Variants in PYGB observed in about 807,000 individuals in gnomAD.
The protein encoded by PYGB is glycogen phosphorylase B.
Under a neutral mutation model 94.3 loss-of-function variants are expected in PYGB, and 82 were observed. That is an observed-to-expected ratio of 0.87 (90% CI 0.73 to 1.04). The LOEUF (loss-of-function observed/expected upper bound fraction) is 1.04, where lower values mean the gene tolerates loss of function less well. Ranked by LOEUF, PYGB falls within the 50% of genes least tolerant of loss-of-function variation. PYGB has a pLI of 0.00. For synonymous variants in PYGB, 488 were observed against 479.1 expected (o/e 1.02, Z -0.24); for missense variants, 1,132 against 1,158.2 (o/e 0.98, Z 0.33).
intron 2 of PYGB, among the ~76,000 whole-genome samples, chr20:25,261,261 G>A (rs201371441): frequency 1.6e-4 from 24 of 152,190 alleles, no homozygotes; most frequent in Non-Finnish European, 3.1e-4. Context: ...TCACACAGCC[G>A]GGTGCCCCTC....
Position 25,296,386 on chromosome 20 carries a change from C to T in PYGB, c.2396C>T (p.Thr799Ile). 1 of 1,614,032 alleles carries T rather than the reference C, an allele frequency of 6.2e-7. No individual in the cohort carries two copies. Among genetic ancestry groups the T allele is most frequent in the Non-Finnish European group, 8.5e-7 (1 of 1,180,032 alleles). The part of the protein sequence containing the change: ...DQLYRNPKEW[T>I]KKVIRNIACS... Reference sequence around the variant, plus strand: ...TCCCTGCAGAACCCCAAGGAGTGGACCAAGAAGGTCATCAGGAACATCGCC... The same window carrying T: ...TCCCTGCAGAACCCCAAGGAGTGGATCAAGAAGGTCATCAGGAACATCGCC... Residue 799 changes from threonine (T) to isoleucine (I), a missense_variant, in exon 20 of 20, where the codon ACC (threonine) becomes ATC (isoleucine). By Grantham distance (89) the Thr-to-Ile change is moderately conservative (BLOSUM62 -1). Coordinates refer to ENST00000216962, the MANE Select transcript of PYGB (RefSeq NM_002862.4).
intron 4 of PYGB, among the ~76,000 whole-genome samples, chr20:25,272,390 C>T (rs940121141): frequency 1.3e-5 from 2 of 152,186 alleles, no homozygotes; most frequent in African/African-American, 4.8e-5. Context: ...CTGTAAGACT[C>T]ATGTATCTCA....
chr20:25,277,311 G>A lies in PYGB; in HGVS notation c.840G>A (p.Leu280=), dbSNP rs749516060. ...RNLAENISRV[L]YPNDNFFEGK... ...TGGCTGAGAACATCTCCAGGGTCCT[G>A]TATCCAAATGATAACGTGAGTAGCT... is the stretch of plus-strand genomic sequence containing the variant. The change falls in exon 7 of 20, where the codon CTG becomes CTA. Residue 280 remains leucine, a synonymous_variant. Transcript: ENST00000216962. The A allele has an allele frequency of 6.4e-7, 1 of 1,568,086 alleles. No individual in the cohort carries two copies. The highest frequency in any genetic ancestry group is 8.8e-7 in the Non-Finnish European group (1 of 1,138,154).
intron 18 of PYGB, 74 bp downstream of exon 18, chr20:25,294,366 T>C: frequency 1.3e-6 from 2 of 1,486,954 alleles, no homozygotes; most frequent in Non-Finnish European, 1.8e-6. Context: ...GGGTTGGATA[T>C]TCCACCTTGT....
intron 16 of PYGB, 27 bp from the exon 17 acceptor site, chr20:25,292,379 A>ATCCCCTCCACGGGC (rs375536857): frequency 1.9e-6 from 3 of 1,609,920 alleles, no homozygotes; most frequent in Non-Finnish European, 2.5e-6. Context: ...CCTCACAGTG[A>ATCCCCTCCACGGGC]TCCCCTCCAC....
intron 14 of PYGB, 47 bp downstream of exon 14, chr20:25,284,298 T>C: frequency 1.9e-6 from 3 of 1,586,992 alleles, no homozygotes; most frequent in Non-Finnish European, 2.6e-6. Flanking sequence ...GGCCCAAGGC[T>C]TGCCCTTGCC....
At chr20:25,264,196 T>C (rs2092919506) in intron 2 of PYGB, among the ~76,000 whole-genome samples, 1 of 152,202 alleles carries the variant, frequency 6.6e-6, no homozygotes, top group African/African-American at 2.4e-5. Flanking sequence ...TCTCAATTGA[T>C]GCAGAAAAGG....
intron 17 of PYGB, chr20:25,293,892 C>T: frequency 2.0e-6 from 1 of 505,838 alleles, no homozygotes. Flanking sequence ...TATGTCCTAG[C>T]AGATCTGCTA....
chr20:25,280,547 G>C lies in PYGB; in HGVS notation c.1239+135G>C, dbSNP rs983435892. The C allele has an allele frequency of 3.2e-6, 4 of 1,262,114 alleles. No homozygotes were observed. The African/African-American group carries it at 4.5e-5, about 14-fold the overall frequency. The allele number at this position is 1,262,114 out of a possible 1,614,324, so 78.2% of individuals were successfully genotyped here. ...GTTCAGCAGAGGATGCTTGGGGCTG[G>C]GGGCTGTCCCTTGGCAGAGCTATTG... is the stretch of plus-strand genomic sequence containing the variant. On this transcript the variant is annotated intron_variant, in intron 10 of 19. Coordinates refer to ENST00000216962, the MANE Select transcript of PYGB (RefSeq NM_002862.4).
intron 1 of PYGB, among the ~76,000 whole-genome samples, chr20:25,250,731 A>C (rs1302053465): frequency 6.6e-6 from 1 of 152,186 alleles, no homozygotes; most frequent in Non-Finnish European, 1.5e-5. Context: ...TCACCGGCAC[A>C]CTGCAGACTG....
intron 15 of PYGB, among the ~76,000 whole-genome samples, chr20:25,290,117 C>G (rs555907880): frequency 1.3e-5 from 2 of 152,356 alleles, no homozygotes. Context: ...CTGGCTCTTT[C>G]CGAATGTGTC....
chr20:25,297,484 C>G lies in PYGB; in HGVS notation c.*962C>G, dbSNP rs769121385. 2 of 152,480 alleles carry G rather than the reference C, an allele frequency of 1.3e-5. No individual in the cohort carries two copies. Among genetic ancestry groups the G allele is most frequent in the Non-Finnish European group, 2.9e-5 (2 of 68,150 alleles). The allele number at this position is 152,480 out of a possible 1,614,324, so 9.4% of individuals were successfully genotyped here. On this transcript the variant is annotated 3_prime_UTR_variant, in exon 20 of 20. Transcript: ENST00000216962. ...GTACACACAAGGGCCAGGCTCCATT[C>G]TCCCTCCCTTTCCACCAGTGCCACA...
chr20:25,253,073 T>C (rs2092892770), intron 1 of PYGB, among the ~76,000 whole-genome samples: 1 of 152,228 alleles, frequency 6.6e-6, no homozygotes, highest in African/African-American at 2.4e-5. Flanking sequence ...ACAAGGGTGT[T>C]AGGAGCACAG....
chr20:25,263,916 C>T (rs894603625), intron 2 of PYGB, among the ~76,000 whole-genome samples: 3 of 152,210 alleles, frequency 2.0e-5, no homozygotes, highest in East Asian at 1.9e-4. Context: ...AGAGAATCCT[C>T]CCTAACTCAT....
At chr20:25,265,346 C>G (rs2088207165) in intron 2 of PYGB, among the ~76,000 whole-genome samples, 1 of 152,134 alleles carries the variant, frequency 6.6e-6, no homozygotes, top group East Asian at 1.9e-4. Context: ...ACATTCCTAC[C>G]AAAAGGACAC....
rs751381484 is a variant in PYGB, at chr20:25,288,370, A to AG, written c.1769-51dup. 3.1e-6 allele frequency: 5 copies of AG among 1,600,016 alleles called. No individual in the cohort carries two copies. In the Admixed American group the frequency reaches 8.3e-5, roughly 27 times the overall value. ...GCCTCTGATGCTGCTGGGCCCCAGCAGGGGCTCGTCCGGCTCGCGGTGCCT... is the reference window on the plus strand; with the variant it reads ...GCCTCTGATGCTGCTGGGCCCCAGCAGGGGGCTCGTCCGGCTCGCGGTGCCT... On this transcript the variant is annotated intron_variant, in intron 14 of 19. Transcript: ENST00000216962.
chr20:25,265,958 T>C (rs114000046), intron 2 of PYGB, among the ~76,000 whole-genome samples: 3,162 of 152,256 alleles, frequency 0.021, 102 homozygotes, highest in African/African-American at 0.071. Context: ...GTATCAGATA[T>C]GTGATTTGTG....
rs74852020 is a variant in PYGB at position 25,279,064 on chromosome 20, T to C, written c.1007T>C (p.Ile336Thr). ...CCCTTGTGCGACCTTCAGGTGGCCA[T>C]CCAGCTGAACGACACCCACCCCGCC... ...CFETFPDKVA[I>T]QLNDTHPALS... The change falls in exon 9 of 20, where the codon ATC becomes ACC. Residue 336 changes from isoleucine to threonine, a missense_variant. Physicochemically the swap from Ile to Thr is moderately conservative, Grantham distance 89. Coordinates refer to ENST00000216962, the MANE Select transcript of PYGB (RefSeq NM_002862.4). 1 of 1,612,182 alleles carries C rather than the reference T, an allele frequency of 6.2e-7. No homozygotes were observed. The highest frequency in any genetic ancestry group is 8.5e-7 in the Non-Finnish European group (1 of 1,178,630).
At chr20:25,290,352 A>C in intron 15 of PYGB, 129 bp from the exon 16 acceptor site, 1 of 1,256,776 alleles carries the variant, frequency 8.0e-7, no homozygotes, top group South Asian at 1.4e-5. Flanking sequence ...TAGCTCCTCT[A>C]CTGACCGTCC....
Sources: allele counts gnomAD v4.1 joint callset (sites outside exome capture counted in the v4.1 genomes callset), GRCh38; gene constraint gnomAD v4.1.1; transcripts MANE v1.5; gene names NCBI Gene and HGNC (gene_info 2026-07-23, HGNC 2026-07-21).